Variants in BMP6 observed in about 807,000 individuals in gnomAD.
The protein encoded by BMP6 is VG-1-R.
In BMP6, 17 loss-of-function variants were observed where a neutral mutation model predicts 54.1. The ratio of observed to expected loss-of-function variants is 0.31; its 90% CI spans 0.22 to 0.47. The LOEUF (loss-of-function observed/expected upper bound fraction) is 0.47, where lower values mean the gene tolerates loss of function less well. Among genes scored for constraint, BMP6 ranks in the 20% least tolerant of loss-of-function variants. The pLI, the probability that BMP6 is intolerant of heterozygous loss-of-function variation, is 1.00. For missense variants in BMP6, 720 were observed against 690.4 expected (o/e 1.04, Z -0.48); for synonymous variants, 328 against 291.2 (o/e 1.13, Z -1.28).
At chr6:7,862,838 T>C (rs1409897590) in intron 4 of BMP6, among the ~76,000 whole-genome samples, 1 of 152,104 alleles carries the variant, frequency 6.6e-6, no homozygotes, top group East Asian at 1.9e-4. Flanking sequence ...TCTAGTTGCG[T>C]TATGCTGGGG....
intron 1 of BMP6, among the ~76,000 whole-genome samples, chr6:7,804,167 C>T (rs747964979): frequency 4.6e-5 from 7 of 152,140 alleles, no homozygotes; most frequent in Non-Finnish European, 7.3e-5. Flanking sequence ...ATGAGTGACC[C>T]GTTTAGTAGT....
intron 2 of BMP6, among the ~76,000 whole-genome samples, chr6:7,853,907 G>GA (rs11378183): frequency 0.56 from 83,713 of 148,236 alleles, 24,876 homozygotes; most frequent in East Asian, 0.78. Context: ...TACTTGGGGA[G>GA]AAAAAAAAAA....
intron 1 of BMP6, among the ~76,000 whole-genome samples, chr6:7,765,570 G>T (rs1038570069): frequency 6.6e-6 from 1 of 152,220 alleles, no homozygotes; most frequent in South Asian, 2.1e-4. Context: ...CATCTCCCAG[G>T]GGGAGGGACC....
At position 7,796,931 on chromosome 6, in the gene BMP6, C is replaced by T. The variant is rs141238937; in HGVS notation, c.665-48209C>T. On this transcript the variant is annotated intron_variant, in intron 1 of 6. Coordinates refer to ENST00000283147, the MANE Select transcript of BMP6 (RefSeq NM_001718.6). ...TCGTTCTGTTTCCCAGGTATCGGCA[C>T]AATCATAGGCTCATAAACAGAACTC... Among the ~76,000 whole-genome samples, 792 of 152,298 alleles carry T rather than the reference C, an allele frequency of 5.2e-3. 5 individuals carry two copies. The highest frequency in any genetic ancestry group is 0.012 in the Admixed American group (179 of 15,302).
At chr6:7,867,538 A>G (rs12527675) in intron 4 of BMP6, among the ~76,000 whole-genome samples, 2 of 152,354 alleles carry the variant, frequency 1.3e-5, no homozygotes, top group African/African-American at 2.4e-5. Context: ...GGGTCGGTCC[A>G]CCATGGACAT....
intron 2 of BMP6, among the ~76,000 whole-genome samples, chr6:7,860,710 T>C (rs1279813987): frequency 1.3e-5 from 2 of 152,190 alleles, no homozygotes; most frequent in African/African-American, 4.8e-5. Flanking sequence ...ACAGTCCATA[T>C]GGGGAAGGAC....
At chr6:7,790,887 C>T (rs992834978) in intron 1 of BMP6, among the ~76,000 whole-genome samples, 3 of 152,178 alleles carry the variant, frequency 2.0e-5, no homozygotes, top group Non-Finnish European at 2.9e-5. Flanking sequence ...CTCTTCTAGC[C>T]TCACAAATCC....
chr6:7,769,537 T>C (rs909337536), intron 1 of BMP6, among the ~76,000 whole-genome samples: 3 of 152,178 alleles, frequency 2.0e-5, no homozygotes, highest in Admixed American at 6.5e-5. Context: ...CTGCAGTGTT[T>C]TTGTTTTTCA....
chr6:7,813,108 A>AAAAAAAAAAATATATATAT (rs1554122651), intron 1 of BMP6, among the ~76,000 whole-genome samples: 1 of 21,496 alleles, frequency 4.7e-5, no homozygotes, highest in Non-Finnish European at 7.6e-5. Flanking sequence ...AAAAAAAAAA[A>AAAAAAAAAAATATATATAT]ATATATATAT....
At chr6:7,775,437 T>G (rs912588285) in intron 1 of BMP6, among the ~76,000 whole-genome samples, 3 of 152,218 alleles carry the variant, frequency 2.0e-5, no homozygotes, top group South Asian at 2.1e-4. Flanking sequence ...GTGTTCACCA[T>G]GAGCTTGTGA....
chr6:7,732,239 T>C (rs1393292900), intron 1 of BMP6, among the ~76,000 whole-genome samples: 5 of 152,196 alleles, frequency 3.3e-5, no homozygotes, highest in Non-Finnish European at 7.3e-5. Flanking sequence ...GTTTGGAGAA[T>C]TTGGTTGCAA....
chr6:7,772,822 C>G (rs1166729559), intron 1 of BMP6, among the ~76,000 whole-genome samples: 1 of 152,128 alleles, frequency 6.6e-6, no homozygotes, highest in East Asian at 1.9e-4. Context: ...TGACAGATTC[C>G]CCTCCCCTAG....
At chr6:7,859,651 C>T (rs1759304145) in intron 2 of BMP6, among the ~76,000 whole-genome samples, 1 of 151,972 alleles carries the variant, frequency 6.6e-6, no homozygotes, top group African/African-American at 2.4e-5. Context: ...CCAGTCTCTG[C>T]TTGCTGTTTT....
intron 1 of BMP6, among the ~76,000 whole-genome samples, chr6:7,780,235 G>T (rs541056094): frequency 6.6e-6 from 1 of 152,230 alleles, no homozygotes; most frequent in Admixed American, 6.5e-5. Context: ...CACCACAGTG[G>T]CACCTCTAAT....
intron 1 of BMP6, among the ~76,000 whole-genome samples, chr6:7,843,033 G>A (rs1298837878): frequency 2.6e-5 from 4 of 152,186 alleles, no homozygotes; most frequent in African/African-American, 9.7e-5. Context: ...AACCAACGAT[G>A]ATAACATATC....
intron 1 of BMP6, among the ~76,000 whole-genome samples, chr6:7,735,661 C>G (rs4960349): frequency 0.3 from 44,957 of 151,910 alleles, 6,964 homozygotes; most frequent in Middle Eastern, 0.43. Flanking sequence ...CCAGGTACCC[C>G]CTGCCCCACA....
chr6:7,749,274 A>G (rs1757388407), intron 1 of BMP6, among the ~76,000 whole-genome samples: 2 of 152,208 alleles, frequency 1.3e-5, no homozygotes, highest in South Asian at 4.1e-4. Flanking sequence ...TATCTTATGA[A>G]TATTGAGACT....
rs1186069160 is a variant in BMP6 at position 7,825,721 on chromosome 6, GA to G, written c.665-19407del. On this transcript the variant is annotated intron_variant, in intron 1 of 6. Coordinates refer to ENST00000283147, the MANE Select transcript of BMP6 (RefSeq NM_001718.6). Reference sequence around the variant, plus strand: ...GGCAACAAGAGTGAAAGTCCATCTCGAAAAAAAAAAAACAAAAACCAAAAAA... The same window carrying G: ...GGCAACAAGAGTGAAAGTCCATCTCGAAAAAAAAAAACAAAAACCAAAAAA... Among the ~76,000 whole-genome samples the G allele has an allele frequency of 9.7e-3, 1,158 of 119,670 alleles. 14 individuals are homozygous for G. Among genetic ancestry groups the G allele is most frequent in the African/African-American group, 0.033 (1,069 of 32,138 alleles). 78.5% of individuals were successfully genotyped at this position (119,670 alleles called of 152,430 possible).
Position 7,880,534 on chromosome 6 carries a change from TA to T in BMP6, c.*192del. The T allele has an allele frequency of 1.4e-6, 1 of 732,522 alleles. No individual in the cohort carries two copies. Among genetic ancestry groups the T allele is most frequent in the Non-Finnish European group, 2.2e-6 (1 of 456,486 alleles). 45.4% of individuals were successfully genotyped at this position (732,522 alleles called of 1,614,324 possible). On this transcript the variant is annotated 3_prime_UTR_variant, in exon 7 of 7. Coordinates refer to ENST00000283147, the MANE Select transcript of BMP6 (RefSeq NM_001718.6). Reference sequence around the variant, plus strand: ...TTGCTCACTTGGTAAATGACGTGAGTAGTTGTTGGTCTGTAGCAAGCTGAGT... The same window carrying T: ...TTGCTCACTTGGTAAATGACGTGAGTGTTGTTGGTCTGTAGCAAGCTGAGT...
Sources: gnomAD v4.1 joint callset for allele counts (sites outside exome capture counted in the v4.1 genomes callset) on GRCh38, gnomAD v4.1.1 for gene constraint, MANE v1.5 for transcripts, NCBI Gene and HGNC (gene_info 2026-07-23, HGNC 2026-07-21) for gene names.